Variants in BLTP1 observed in about 807,000 individuals in gnomAD.
BLTP1 encodes the protein bridge-like lipid transfer protein family member 1, also known as fragile site-associated protein.
chr4:122,273,775 G>T, the BLTP1 span, among the ~76,000 whole-genome samples: 4 of 152,120 alleles, frequency 2.6e-5, no homozygotes, highest in Admixed American at 1.3e-4. Flanking sequence ...TGGCATTAAA[G>T]AACTGGTTAT....
chr4:122,305,752 T>G, the BLTP1 span: 1 of 1,358,358 alleles, frequency 7.4e-7, no homozygotes, highest in South Asian at 1.6e-5. Flanking sequence ...GAATATACAT[T>G]AACAGCTGAA....
At chr4:122,198,082 G>C in the BLTP1 span, 35 of 985,058 alleles carry the variant, frequency 3.6e-5, no homozygotes, top group Non-Finnish European at 4.2e-5. Context: ...CACTTATTTT[G>C]GTGCTGTAAG....
At chr4:122,230,257 A>T in the BLTP1 span, 1 of 1,493,178 alleles carries the variant, frequency 6.7e-7, no homozygotes, top group Non-Finnish European at 9.2e-7. Flanking sequence ...GTTCAGATGA[A>T]AAAAACTAGA....
At chr4:122,262,152 G>GTGTGTA in the BLTP1 span, among the ~76,000 whole-genome samples, 1 of 145,506 alleles carries the variant, frequency 6.9e-6, no homozygotes, top group African/African-American at 2.7e-5. Flanking sequence ...GATCCTTTGT[G>GTGTGTA]TGTGTGTGTG....
the BLTP1 span, among the ~76,000 whole-genome samples, chr4:122,244,800 G>A: frequency 6.6e-6 from 1 of 152,150 alleles, no homozygotes; most frequent in African/African-American, 2.4e-5. Context: ...ATTGCCCAGT[G>A]TGGAACACTT....
the BLTP1 span, chr4:122,346,030 G>T: frequency 3.0e-6 from 3 of 984,662 alleles, no homozygotes; most frequent in Non-Finnish European, 3.6e-6. Context: ...CTGACTTAGC[G>T]GGTATCGCTA....
the BLTP1 span, among the ~76,000 whole-genome samples, chr4:122,351,467 A>G: frequency 6.6e-6 from 1 of 152,166 alleles, no homozygotes; most frequent in Non-Finnish European, 1.5e-5. Context: ...AAACACATTC[A>G]AATTTCCATG....
chr4:122,231,621 A>G, the BLTP1 span: 604 of 952,110 alleles, frequency 6.3e-4, 1 homozygote, highest in African/African-American at 0.01. Flanking sequence ...TACTAATTTG[A>G]GAAAGCCATT....
At chr4:122,261,302 A>G in the BLTP1 span, 1 of 985,224 alleles carries the variant, frequency 1.0e-6, no homozygotes, top group Non-Finnish European at 1.2e-6. Flanking sequence ...CTTCTGAATC[A>G]TATTTAGGTG....
the BLTP1 span, chr4:122,238,164 A>T: frequency 6.2e-7 from 1 of 1,614,044 alleles, no homozygotes; most frequent in Non-Finnish European, 8.5e-7. Context: ...AGAAAAACTC[A>T]GCACCTTAGT....
the BLTP1 span, chr4:122,292,413 C>A: frequency 7.3e-6 from 6 of 825,568 alleles, no homozygotes; most frequent in Non-Finnish European, 8.8e-6. Flanking sequence ...ATTAGTATTA[C>A]AATATTCAAA....
the BLTP1 span, among the ~76,000 whole-genome samples, chr4:122,199,714 G>GT: frequency 4.6e-5 from 7 of 152,104 alleles, no homozygotes; most frequent in Non-Finnish European, 1.0e-4. Context: ...TTAGAATATT[G>GT]TTTTTAAAGT....
chr4:122,219,555 G>A, the BLTP1 span: 2 of 1,613,180 alleles, frequency 1.2e-6, no homozygotes, highest in Non-Finnish European at 1.7e-6. Flanking sequence ...AAGTTCATGG[G>A]CGTCTTCCTG....
the BLTP1 span, chr4:122,331,922 TAAG>T: frequency 2.4e-5 from 8 of 338,858 alleles, no homozygotes; most frequent in Non-Finnish European, 3.3e-5. Context: ...CATAAAGAAA[TAAG>T]AAAGACTGGG....
At chr4:122,344,088 TA>T in the BLTP1 span, 1 of 620,226 alleles carries the variant, frequency 1.6e-6, no homozygotes, top group Non-Finnish European at 2.0e-6. Flanking sequence ...TATTAGTAAC[TA>T]ACTCTTGACT....
chr4:122,235,639 G>A, the BLTP1 span: 6 of 193,136 alleles, frequency 3.1e-5, no homozygotes, highest in East Asian at 1.9e-4. Context: ...CCCCATCTCT[G>A]CTAAAAATAC....
the BLTP1 span, chr4:122,251,517 T>C: frequency 1.0e-6 from 1 of 965,920 alleles, no homozygotes; most frequent in Non-Finnish European, 1.2e-6. Context: ...TTTGGAAATG[T>C]TTAGGGGATG....
the BLTP1 span, among the ~76,000 whole-genome samples, chr4:122,296,377 T>C: frequency 6.6e-6 from 1 of 152,114 alleles, no homozygotes. Flanking sequence ...GATGGACCTC[T>C]TCAAGGAGAA....
the BLTP1 span, chr4:122,336,172 G>T: frequency 6.5e-7 from 1 of 1,546,182 alleles, no homozygotes; most frequent in Admixed American, 2.1e-5. Flanking sequence ...TCCATTAAAT[G>T]GAATTTATAA....
Sources: allele counts gnomAD v4.1 joint callset (sites outside exome capture counted in the v4.1 genomes callset), GRCh38; gene constraint gnomAD v4.1.1; transcripts MANE v1.5; gene names NCBI Gene and HGNC (gene_info 2026-07-23, HGNC 2026-07-21).